Variants in CROCC2 observed in about 807,000 individuals in gnomAD.
CROCC2 encodes the protein ciliary rootlet coiled-coil protein 2.
In CROCC2, 163 loss-of-function variants were observed where a neutral mutation model predicts 177.6. The observed-to-expected ratio is 0.92, with a 90% CI of 0.81 to 1.05. The LOEUF is 1.05. Among genes scored for constraint, CROCC2 ranks in the 50% least tolerant of loss-of-function variants. The pLI, the probability that CROCC2 is intolerant of heterozygous loss-of-function variation, is 0.00. For synonymous variants in CROCC2, 904 were observed against 787.3 expected, an observed-to-expected ratio of 1.15 and a Z score of -2.48; for missense variants, 1,929 against 1,797.8, an observed-to-expected ratio of 1.07 and a Z score of -1.32.
intron 1 of CROCC2, among the ~76,000 whole-genome samples, chr2:240,906,967 AG>A (rs2059258676): frequency 1.8e-5 from 1 of 55,350 alleles, no homozygotes; most frequent in Non-Finnish European, 5.0e-5. Flanking sequence ...ACAGGTTTGC[AG>A]GGTGGAGAGA....
Position 240,932,918 on chromosome 2 carries a change from C to T in CROCC2, c.1251+10C>T, listed in dbSNP as rs1407371294. 5.2e-6 allele frequency: 8 copies of T among 1,544,276 alleles called. No individual in the cohort carries two copies. Among genetic ancestry groups the T allele is most frequent in the East Asian group, 2.4e-5 (1 of 40,918 alleles). On this transcript the variant is annotated intron_variant, in intron 9 of 31. Transcript: ENST00000690015. ...GTGGCGGCGGGAACAGGTGGGCAGC[C>T]GCAGCCCACAGGACTCCCTGTCTCC...
intron 14 of CROCC2, among the ~76,000 whole-genome samples, chr2:240,943,267 CA>C (rs1168409223): frequency 6.6e-6 from 1 of 151,898 alleles, no homozygotes; most frequent in African/African-American, 2.4e-5. Context: ...CTCAGCCTCC[CA>C]AAGTGCTGGG....
At chr2:240,935,266 G>T in intron 13 of CROCC2, 92 bp from the exon 14 acceptor site, 2 of 1,257,874 alleles carry the variant, frequency 1.6e-6, no homozygotes, top group Non-Finnish European at 2.0e-6. Flanking sequence ...AGGGAGGGAA[G>T]ACAGTGCCCC....
Position 240,933,232 on chromosome 2 carries a change from G to T in CROCC2, c.1353G>T (p.Gln451His). ...AGCTGTGGGCCGCACAGAAGCTCCA[G>T]CAGGAGCGGGCTCGGGAGCAGGCAC... ...RRELWAAQKL[Q>H]QERAREQARE... The change falls in exon 10 of 32, where the codon CAG (glutamine) becomes CAT (histidine). Residue 451 changes from glutamine to histidine, a missense_variant. By Grantham distance (24) the Gln-to-His change is conservative (BLOSUM62 0). This residue lies in a region of CROCC2 where 1,397 missense variants were observed against 1,239.9 expected (regional missense o/e 1.13). Transcript: ENST00000690015. The T allele has an allele frequency of 6.5e-7, 1 of 1,549,608 alleles. No homozygotes were observed. Among genetic ancestry groups the T allele is most frequent in the Non-Finnish European group, 8.7e-7 (1 of 1,146,808 alleles).
chr2:240,945,265 GA>G (rs1431969941), intron 14 of CROCC2, among the ~76,000 whole-genome samples: 1 of 152,188 alleles, frequency 6.6e-6, no homozygotes, highest in Non-Finnish European at 1.5e-5. Context: ...GGCAGGCAGT[GA>G]ACGTAGAAGG....
chr2:240,954,984 G>C (rs2059581869), intron 18 of CROCC2: 1 of 152,064 alleles, frequency 6.6e-6, no homozygotes, highest in African/African-American at 2.4e-5. Flanking sequence ...CTTGCAAACA[G>C]AAATATACAG....
Position 240,959,389 on chromosome 2 carries a change from C to G in CROCC2, c.3032C>G (p.Ala1011Gly). 1 of 1,550,472 alleles carries G rather than the reference C, an allele frequency of 6.4e-7. No homozygotes were observed. Among genetic ancestry groups the G allele is most frequent in the Non-Finnish European group, 8.7e-7 (1 of 1,146,894 alleles). Reference sequence around the variant, plus strand: ...ACAGCCCATCAGAGGGAGACCACGGCCCTACGCGAGAGCCTCCAGGACCTA... The same window carrying G: ...ACAGCCCATCAGAGGGAGACCACGGGCCTACGCGAGAGCCTCCAGGACCTA... ...AITAHQRETT[A>G]LRESLQDLAA... is the part of the protein sequence containing the mutation. The change falls in exon 20 of 32, where the codon GCC (alanine) becomes GGC (glycine). Residue 1011 changes from alanine to glycine, a missense_variant. This residue lies in a region of CROCC2 where 1,397 missense variants were observed against 1,239.9 expected (regional missense o/e 1.13). Transcript: ENST00000690015.
In CROCC2 at chr2:240,935,553, C is replaced by T. The variant is rs551012698; in HGVS notation, c.2134C>T (p.Arg712Ter). ...GGAGGGGCAGGCAGCCCTGCTGGGG[C>T]GAGAGAAGGCCCAGCTCCAGGAGCA... is the stretch of plus-strand genomic sequence containing the variant. ...QLEGQAALLG[R>*]EKAQLQEQVG... The change falls in exon 14 of 32, where the codon CGA (arginine) becomes TGA (stop). Residue 712 changes from arginine (R) to a stop codon, truncating the protein, a stop_gained. Transcript: ENST00000690015. LOFTEE classifies it high-confidence loss of function. 41 of 1,346,284 alleles carry T rather than the reference C, an allele frequency of 3.0e-5. No homozygotes were observed. Among genetic ancestry groups the T allele is most frequent in the Middle Eastern group, 5.7e-4 (2 of 3,516 alleles). The allele number at this position is 1,346,284 out of a possible 1,614,324, so 83.4% of individuals were successfully genotyped here. A position where few individuals can be genotyped will look rare whatever the true frequency, so the allele number is the denominator to read the frequency against.
chr2:240,991,506 C>T (rs1161947723), intron 31 of CROCC2, among the ~76,000 whole-genome samples: 1 of 152,248 alleles, frequency 6.6e-6, no homozygotes, highest in Non-Finnish European at 1.5e-5. Context: ...CCACCACTCA[C>T]TCTTCAGGGT....
At chr2:240,957,156 A>G (rs777484143) in intron 19 of CROCC2, among the ~76,000 whole-genome samples, 2 of 152,104 alleles carry the variant, frequency 1.3e-5, no homozygotes, top group Non-Finnish European at 2.9e-5. Flanking sequence ...ATTGAGGGCG[A>G]GGCTGATCGC....
chr2:240,961,211 C>T (rs1365415415), intron 20 of CROCC2, among the ~76,000 whole-genome samples: 3 of 152,214 alleles, frequency 2.0e-5, no homozygotes, highest in African/African-American at 7.2e-5. Context: ...CTCTCAGACC[C>T]TGCCTGAGGT....
intron 27 of CROCC2, among the ~76,000 whole-genome samples, chr2:240,969,919 G>A (rs2059709836): frequency 6.6e-6 from 1 of 152,106 alleles, no homozygotes; most frequent in Non-Finnish European, 1.5e-5. Context: ...AGTAGAGACA[G>A]GTTTCACACC....
chr2:240,971,926 G>T (rs866284790), intron 27 of CROCC2, among the ~76,000 whole-genome samples: 1 of 151,890 alleles, frequency 6.6e-6, no homozygotes, highest in Admixed American at 6.6e-5. Context: ...CTGTCCCCAC[G>T]GTGGCCTCGT....
chr2:240,946,852 G>A (rs1360979836), intron 15 of CROCC2, among the ~76,000 whole-genome samples: 1 of 152,234 alleles, frequency 6.6e-6, no homozygotes, highest in Non-Finnish European at 1.5e-5. Flanking sequence ...CCCAGGCTTG[G>A]GCTGCACACC....
At chr2:240,920,898 G>C (rs1322141787) in intron 3 of CROCC2, among the ~76,000 whole-genome samples, 1 of 152,242 alleles carries the variant, frequency 6.6e-6, no homozygotes, top group African/African-American at 2.4e-5. Context: ...CAAGGAGCCA[G>C]TGCGTGGAGT....
chr2:240,932,429 CG>C lies in CROCC2; in HGVS notation c.1044+20del. 1.4e-6 allele frequency: 1 copy of C among 717,430 alleles called. No individual in the cohort carries two copies. Among genetic ancestry groups the C allele is most frequent in the Non-Finnish European group, 2.6e-6 (1 of 385,050 alleles). 44.4% of individuals were successfully genotyped at this position (717,430 alleles called of 1,614,324 possible). On this transcript the variant is annotated intron_variant, in intron 8 of 31. Transcript: ENST00000690015. ...TGCAGAACCTGGTTGGTGGGCAGGA[CG>C]GGGGTGGCTGTGTGGCAGGGGTCTG...
chr2:240,965,462 G>A lies in CROCC2; in HGVS notation c.3547G>A (p.Glu1183Lys), dbSNP rs2059675022. 6.5e-7 allele frequency: 1 copy of A among 1,549,912 alleles called. No individual in the cohort carries two copies. Among genetic ancestry groups the A allele is most frequent in the Non-Finnish European group, 8.7e-7 (1 of 1,146,986 alleles). ...GGCGCAGTGCTCGCAGGAGGTGCTG[G>A]AGCTGCGGAGGCAGGCAGCCAAGGC... ...LQAQCSQEVLELRRQAAKAEA... is the reference protein window; with the variant it reads ...LQAQCSQEVLKLRRQAAKAEA... Residue 1183 changes from glutamate to lysine, a missense_variant, in exon 23 of 32, where the codon GAG becomes AAG. By Grantham distance (56) the Glu-to-Lys change is moderately conservative (BLOSUM62 1). This residue lies in a region of CROCC2 where 144 missense variants were observed against 205.2 expected (regional missense o/e 0.70). Transcript: ENST00000690015.
At position 240,959,360 on chromosome 2, in the gene CROCC2, C is replaced by T. The variant is rs150417572; in HGVS notation, c.3003C>T (p.Ala1001=). 810 of 1,550,590 alleles carry T rather than the reference C, an allele frequency of 5.2e-4. 2 individuals carry two copies. The African/African-American group carries it at 9.9e-3, about 19-fold the overall frequency. The change falls in exon 20 of 32, where the codon GCC becomes GCT. Residue 1001 remains alanine, a synonymous_variant. Transcript: ENST00000690015. ...LKALQAQFED[A]ITAHQRETTA... is the part of the protein sequence containing the mutation. ...CCCTCCAGGCCCAGTTTGAGGATGC[C>T]ATCACAGCCCATCAGAGGGAGACCA...
intron 5 of CROCC2, among the ~76,000 whole-genome samples, chr2:240,928,123 T>A (rs1262426674): frequency 6.6e-6 from 1 of 152,264 alleles, no homozygotes; most frequent in Non-Finnish European, 1.5e-5. Flanking sequence ...GGTGATTTTT[T>A]ATTTTTTAAC....
Sources: gnomAD v4.1 joint callset for allele counts (sites outside exome capture counted in the v4.1 genomes callset) on GRCh38, gnomAD v4.1.1 for gene constraint, gnomAD v4.1.1 regional missense constraint, MANE v1.5 for transcripts, NCBI Gene and HGNC (gene_info 2026-07-23, HGNC 2026-07-21) for gene names.